Variants in PPP2R3A observed in about 807,000 individuals in gnomAD.
PPP2R3A encodes protein phosphatase 2 regulatory subunit B''alpha, also known as serine/threonine-protein phosphatase 2A regulatory subunit B'' subunit alpha.
In PPP2R3A, 80 loss-of-function variants were observed where a neutral mutation model predicts 106.9. That is an observed-to-expected ratio of 0.75 (90% CI 0.62 to 0.90). The LOEUF (loss-of-function observed/expected upper bound fraction) is 0.90. Ranked by LOEUF, PPP2R3A falls within the 40% of genes least tolerant of loss-of-function variation. PPP2R3A has a pLI of 0.00. For synonymous variants in PPP2R3A, 483 were observed against 468.3 expected, an observed-to-expected ratio of 1.03 and a Z score of -0.41; for missense variants, 1,386 against 1,350.4, an observed-to-expected ratio of 1.03 and a Z score of -0.41.
At chr3:136,106,477 C>A (rs900513243) in intron 13 of PPP2R3A, 155 bp downstream of exon 13, 15 of 638,596 alleles carry the variant, frequency 2.3e-5, no homozygotes, top group Non-Finnish European at 3.8e-5. Context: ...TTATTTTTTC[C>A]AGCAATCTTC....
At chr3:135,999,126 C>G (rs527711214) in intron 1 of PPP2R3A, among the ~76,000 whole-genome samples, 1 of 152,240 alleles carries the variant, frequency 6.6e-6, no homozygotes, top group African/African-American at 2.4e-5. Context: ...CAGGGTCAGG[C>G]ACAGAGTAGG....
intron 10 of PPP2R3A, among the ~76,000 whole-genome samples, chr3:136,097,349 C>G (rs1937240621): frequency 6.6e-6 from 1 of 152,182 alleles, no homozygotes; most frequent in Non-Finnish European, 1.5e-5. Context: ...ACTGAGGCAG[C>G]CTGTTCATTT....
In PPP2R3A at chr3:136,141,831, T is replaced by C. The variant is rs201694499; in HGVS notation, c.3330-3212T>C. On this transcript the variant is annotated intron_variant, in intron 13 of 13. Coordinates refer to ENST00000264977, the MANE Select transcript of PPP2R3A (RefSeq NM_002718.5). Reference sequence around the variant, plus strand: ...TGGTACCCTGAACTTAAGCCAGTGGTGGTAGGGAGGAAGAGGCAGGGTTGT... The same window carrying C: ...TGGTACCCTGAACTTAAGCCAGTGGCGGTAGGGAGGAAGAGGCAGGGTTGT... 2.6e-5 allele frequency among the ~76,000 whole-genome samples: 4 copies of C among 151,974 alleles called. No homozygotes were observed. The East Asian group carries it at 5.8e-4, about 22-fold the overall frequency.
intron 10 of PPP2R3A, among the ~76,000 whole-genome samples, chr3:136,096,721 T>A (rs1937224220): frequency 6.6e-6 from 1 of 152,262 alleles, no homozygotes; most frequent in African/African-American, 2.4e-5. Context: ...TCCAGTAACT[T>A]TCTTCTTGAG....
intron 8 of PPP2R3A, among the ~76,000 whole-genome samples, chr3:136,086,676 A>G (rs189054241): frequency 2.0e-5 from 3 of 152,250 alleles, no homozygotes; most frequent in East Asian, 1.9e-4. Context: ...AATTAACCCC[A>G]TAAACCAATG....
chr3:136,130,151 G>T (rs1031501404), intron 13 of PPP2R3A, among the ~76,000 whole-genome samples: 1 of 152,086 alleles, frequency 6.6e-6, no homozygotes, highest in Non-Finnish European at 1.5e-5. Flanking sequence ...ACATAGTATT[G>T]GAAGTTCTGT....
chr3:136,079,661 C>T (rs1336445101), intron 7 of PPP2R3A, among the ~76,000 whole-genome samples: 4 of 152,180 alleles, frequency 2.6e-5, no homozygotes, highest in East Asian at 1.9e-4. Flanking sequence ...CCTGCCTCAG[C>T]CTCCCGAAGT....
At chr3:136,088,005 T>G in intron 9 of PPP2R3A, 74 bp downstream of exon 9, 2 of 1,351,100 alleles carry the variant, frequency 1.5e-6, no homozygotes, top group Non-Finnish European at 2.1e-6. Flanking sequence ...TTAGCAAAGC[T>G]TCCTGAATAA....
intron 3 of PPP2R3A, among the ~76,000 whole-genome samples, chr3:136,030,376 C>T (rs567482607): frequency 1.0e-3 from 152 of 151,834 alleles, no homozygotes; most frequent in African/African-American, 3.5e-3. Flanking sequence ...TTAATCATGT[C>T]TTCCAGTTAG....
chr3:136,114,538 G>A (rs1470777560), intron 13 of PPP2R3A, among the ~76,000 whole-genome samples: 1 of 152,192 alleles, frequency 6.6e-6, no homozygotes, highest in Non-Finnish European at 1.5e-5. Flanking sequence ...CCACTGGCTT[G>A]AAATTCTTGC....
chr3:136,102,850 G>T (rs1374275042), intron 11 of PPP2R3A, among the ~76,000 whole-genome samples: 1 of 152,020 alleles, frequency 6.6e-6, no homozygotes, highest in African/African-American at 2.4e-5. Context: ...ATGAAAGCGG[G>T]GTTTGGGGGA....
At chr3:136,036,958 C>A (rs2107839465) in intron 3 of PPP2R3A, among the ~76,000 whole-genome samples, 1 of 152,316 alleles carries the variant, frequency 6.6e-6, no homozygotes, top group African/African-American at 2.4e-5. Flanking sequence ...TCTGTGTCTC[C>A]AGCACTTACT....
intron 13 of PPP2R3A, among the ~76,000 whole-genome samples, chr3:136,133,885 C>A (rs1576336773): frequency 7.9e-6 from 1 of 126,702 alleles, no homozygotes; most frequent in African/African-American, 3.0e-5. Flanking sequence ...AGTGAAACTC[C>A]ATCTCAAAAA....
At chr3:136,057,053 G>A (rs1326197537) in intron 5 of PPP2R3A, among the ~76,000 whole-genome samples, 1 of 147,772 alleles carries the variant, frequency 6.8e-6, no homozygotes, top group Non-Finnish European at 1.5e-5. Flanking sequence ...TGCTGGTGAG[G>A]ATGCAGAGAA....
chr3:136,094,402 A>G (rs1429627819), intron 10 of PPP2R3A, among the ~76,000 whole-genome samples: 1 of 152,246 alleles, frequency 6.6e-6, no homozygotes, highest in Non-Finnish European at 1.5e-5. Context: ...CTGTTTAAAA[A>G]AAAGACTTAG....
At chr3:136,126,925 G>A (rs1938203156) in intron 13 of PPP2R3A, among the ~76,000 whole-genome samples, 1 of 152,178 alleles carries the variant, frequency 6.6e-6, no homozygotes, top group African/African-American at 2.4e-5. Flanking sequence ...TGAGGGACCT[G>A]ACTGTTAGAA....
intron 3 of PPP2R3A, among the ~76,000 whole-genome samples, chr3:136,033,731 T>C (rs1181399310): frequency 1.3e-5 from 2 of 152,176 alleles, no homozygotes; most frequent in East Asian, 3.8e-4. Flanking sequence ...AGTTGTAATA[T>C]CTCCTGTTTT....
chr3:136,022,636 A>G, intron 2 of PPP2R3A: 1 of 410,498 alleles, frequency 2.4e-6, no homozygotes, highest in Non-Finnish European at 3.3e-6. Context: ...GACACCTCAC[A>G]TACCCTGAGT....
chr3:136,029,688 C>T (rs1357161249), intron 3 of PPP2R3A, among the ~76,000 whole-genome samples: 1 of 152,196 alleles, frequency 6.6e-6, no homozygotes, highest in African/African-American at 2.4e-5. Flanking sequence ...TAGGGACAGT[C>T]ATTTACGTAA....
Sources: allele counts gnomAD v4.1 joint callset (sites outside exome capture counted in the v4.1 genomes callset), GRCh38; gene constraint gnomAD v4.1.1; transcripts MANE v1.5; gene names NCBI Gene and HGNC (gene_info 2026-07-23, HGNC 2026-07-21).